IFT81: variants seen among roughly 807,000 people sequenced by gnomAD.
IFT81 encodes intraflagellar transport 81.
A neutral mutation model predicts 102.6 loss-of-function variants in IFT81; 72 were observed. The observed-to-expected ratio is 0.70, with a 90% CI of 0.58 to 0.85. The LOEUF (loss-of-function observed/expected upper bound fraction) is 0.85. Among genes scored for constraint, IFT81 ranks in the 40% least tolerant of loss-of-function variants. The pLI is 0.00. For missense variants in IFT81, 723 were observed against 787.3 expected, an observed-to-expected ratio of 0.92 and a Z score of 0.98; for synonymous variants, 237 against 242.7, an observed-to-expected ratio of 0.98 and a Z score of 0.22.
At position 110,135,052 on chromosome 12, in the gene IFT81, TC is replaced by T. The variant is rs754502064; in HGVS notation, c.585+42del. 2.4e-5 allele frequency: 34 copies of T among 1,437,494 alleles called. No individual in the cohort carries two copies. The African/African-American group carries it at 4.3e-4, about 18-fold the overall frequency. The allele number at this position is 1,437,494 out of a possible 1,614,324, so 89.0% of individuals were successfully genotyped here. A position where few individuals can be genotyped will look rare whatever the true frequency, so the allele number is the denominator to read the frequency against. ...AGTACTGTAAGACTTTGGCCCCAAG[TC>T]CCAAGGACTTGCAAAGATTTAGGAA... On this transcript the variant is annotated intron_variant, in intron 6 of 18. Coordinates refer to ENST00000242591, the MANE Select transcript of IFT81 (RefSeq NM_014055.4).
chr12:110,141,913 A>C (rs910936264), intron 8 of IFT81, among the ~76,000 whole-genome samples: 1 of 152,112 alleles, frequency 6.6e-6, no homozygotes, highest in Admixed American at 6.6e-5. Flanking sequence ...TTCAAGTCAG[A>C]ATTTGTAAAT....
At chr12:110,153,628 T>TA (rs1895667368) in intron 10 of IFT81, among the ~76,000 whole-genome samples, 2 of 133,310 alleles carry the variant, frequency 1.5e-5, no homozygotes, top group Admixed American at 1.5e-4. Context: ...TCTTTTTTTT[T>TA]AGACGAAGTT....
intron 7 of IFT81, among the ~76,000 whole-genome samples, chr12:110,136,445 A>G (rs951213647): frequency 3.3e-5 from 5 of 152,240 alleles, no homozygotes; most frequent in African/African-American, 1.2e-4. Context: ...ACATCACTAT[A>G]TCAATGTTAA....
At chr12:110,200,889 G>A (rs1898232027) in intron 14 of IFT81, among the ~76,000 whole-genome samples, 1 of 151,860 alleles carries the variant, frequency 6.6e-6, no homozygotes, top group Admixed American at 6.6e-5. Flanking sequence ...GGCGGAGGTT[G>A]CGGTGAGCCG....
rs34207126 is a variant in IFT81 at position 110,179,773 on chromosome 12, T to TACACACACACACACACAC, written c.1189-633_1189-616dup. Among the ~76,000 whole-genome samples, 168 of 50,410 alleles carry TACACACACACACACACAC rather than the reference T, an allele frequency of 3.3e-3. 2 individuals are homozygous for TACACACACACACACACAC. Among genetic ancestry groups the TACACACACACACACACAC allele is most frequent in the African/African-American group, 7.1e-3 (129 of 18,158 alleles). The allele number at this position is 50,410 out of a possible 152,430, so 33.1% of individuals were successfully genotyped here. A position where few individuals can be genotyped will look rare whatever the true frequency, so the allele number is the denominator to read the frequency against. On this transcript the variant is annotated intron_variant, in intron 11 of 18. Transcript: ENST00000242591. ...ATATATATATATATATATATATATATACACACACACACACACACACACACA... is the reference window on the plus strand; with the variant it reads ...ATATATATATATATATATATATATATACACACACACACACACACACACACACACACACACACACACACA...
intron 6 of IFT81, 62 bp from the exon 7 acceptor site, chr12:110,135,265 G>C: frequency 9.9e-7 from 1 of 1,015,144 alleles, no homozygotes; most frequent in Non-Finnish European, 1.5e-6. Flanking sequence ...TGAGTCACAT[G>C]ACATGCTAAT....
chr12:110,179,765 T>TACAC (rs1428284986), intron 11 of IFT81, among the ~76,000 whole-genome samples: 4 of 69,208 alleles, frequency 5.8e-5, no homozygotes, highest in Admixed American at 1.6e-4. Flanking sequence ...TATATATATA[T>TACAC]ATATATATAC....
chr12:110,205,704 T>G, intron 17 of IFT81, 24 bp downstream of exon 17: 1 of 1,405,840 alleles, frequency 7.1e-7, no homozygotes, highest in East Asian at 2.3e-5. Context: ...TTGTTTTATA[T>G]TGAGATACTT....
intron 8 of IFT81, among the ~76,000 whole-genome samples, chr12:110,142,152 C>A (rs1009612686): frequency 6.6e-6 from 1 of 151,982 alleles, no homozygotes; most frequent in Non-Finnish European, 1.5e-5. Flanking sequence ...TAGGTAGATA[C>A]TTTGTTTCTT....
chr12:110,181,601 A>G (rs1376190819), intron 12 of IFT81, among the ~76,000 whole-genome samples: 1 of 152,220 alleles, frequency 6.6e-6, no homozygotes, highest in Non-Finnish European at 1.5e-5. Context: ...TGGGAATAGT[A>G]TTCTAAATAT....
chr12:110,173,961 T>TAA (rs1219514156), intron 11 of IFT81, among the ~76,000 whole-genome samples: 2 of 117,478 alleles, frequency 1.7e-5, no homozygotes, highest in South Asian at 2.6e-4. Flanking sequence ...GAATGATCAA[T>TAA]AAAAAAAAAA....
chr12:110,207,206 A>G (rs1868755408), intron 17 of IFT81, among the ~76,000 whole-genome samples: 1 of 151,828 alleles, frequency 6.6e-6, no homozygotes. Flanking sequence ...AATTTTTGTT[A>G]TTTGTATTTT....
At chr12:110,139,847 T>TAAAATAAAATA (rs1225456910) in intron 8 of IFT81, among the ~76,000 whole-genome samples, 9 of 118,866 alleles carry the variant, frequency 7.6e-5, no homozygotes, top group African/African-American at 3.6e-4. Context: ...TAAAATAAAA[T>TAAAATAAAATA]AAATAAAATA....
chr12:110,186,768 C>T (rs1183193919), intron 12 of IFT81, among the ~76,000 whole-genome samples: 6 of 152,122 alleles, frequency 3.9e-5, no homozygotes, highest in East Asian at 3.9e-4. Flanking sequence ...TGGGTCCAAA[C>T]GATCCACCTG....
intron 1 of IFT81, among the ~76,000 whole-genome samples, chr12:110,125,418 G>A (rs773168034): frequency 1.6e-4 from 24 of 151,924 alleles, no homozygotes; most frequent in Non-Finnish European, 3.2e-4. Flanking sequence ...CTGTTGAGAC[G>A]GAGTCTCTCT....
At chr12:110,160,088 C>T (rs569596549) in intron 10 of IFT81, among the ~76,000 whole-genome samples, 1 of 152,222 alleles carries the variant, frequency 6.6e-6, no homozygotes, top group African/African-American at 2.4e-5. Context: ...TTTCGAAACT[C>T]TTTTTTGTAA....
chr12:110,125,666 A>G (rs1313132920), intron 1 of IFT81, among the ~76,000 whole-genome samples: 1 of 152,246 alleles, frequency 6.6e-6, no homozygotes, highest in East Asian at 1.9e-4. Context: ...AAGTACTGGG[A>G]TTACAGGAGA....
intron 12 of IFT81, among the ~76,000 whole-genome samples, chr12:110,190,289 C>T (rs1897731961): frequency 6.6e-6 from 1 of 152,142 alleles, no homozygotes; most frequent in African/African-American, 2.4e-5. Flanking sequence ...ACTGCACCTC[C>T]TTACTGTTTC....
chr12:110,205,770 T>C (rs1868543796), intron 17 of IFT81, 90 bp downstream of exon 17: 1 of 789,128 alleles, frequency 1.3e-6, no homozygotes, highest in South Asian at 2.2e-5. Flanking sequence ...AAATTTAGCA[T>C]ATTTAAGTAA....
Sources: allele counts gnomAD v4.1 joint callset (sites outside exome capture counted in the v4.1 genomes callset), GRCh38; gene constraint gnomAD v4.1.1; transcripts MANE v1.5; gene names NCBI Gene and HGNC (gene_info 2026-07-23, HGNC 2026-07-21).